Variants in TAB2 observed in about 807,000 individuals in gnomAD.
TAB2 encodes TGF-beta-activated kinase 1 and MAP3K7-binding protein 2.
TAB2 carries 3 observed loss-of-function variants against 65.0 expected under a neutral mutation model. The ratio of observed to expected loss-of-function variants is 0.05; its 90% CI spans 0.02 to 0.12. The LOEUF (loss-of-function observed/expected upper bound fraction) is 0.12, where lower values mean the gene tolerates loss of function less well. TAB2 is among the 10% of genes least tolerant of loss of function. The pLI is 1.00. For synonymous variants in TAB2, 298 were observed against 285.1 expected (o/e 1.05, Z -0.46); for missense variants, 623 against 840.3 (o/e 0.74, Z 3.20).
intron 1 of TAB2, chr6:149,342,858 T>G (rs1191588209): frequency 6.6e-6 from 1 of 152,182 alleles, no homozygotes. Context: ...ATGGCACCAG[T>G]CAAGCTTAGC....
chr6:149,244,544 GA>G (rs946960904), intron 1 of TAB2: 1 of 152,280 alleles, frequency 6.6e-6, no homozygotes, highest in African/African-American at 2.4e-5. Context: ...GTAATAATAA[GA>G]GCAAGCATAC....
At chr6:149,352,810 A>G (rs1212607159) in intron 1 of TAB2, among the ~76,000 whole-genome samples, 2 of 152,174 alleles carry the variant, frequency 1.3e-5, no homozygotes, top group African/African-American at 4.8e-5. Context: ...AGGGACTTTG[A>G]TTCAGTAGGT....
intron 1 of TAB2, among the ~76,000 whole-genome samples, chr6:149,307,403 G>A (rs1267332584): frequency 6.6e-6 from 1 of 152,154 alleles, no homozygotes; most frequent in Non-Finnish European, 1.5e-5. Flanking sequence ...AACAAACCAA[G>A]GAAGACGTGA....
intron 1 of TAB2, among the ~76,000 whole-genome samples, chr6:149,282,781 T>C (rs188194267): frequency 5.2e-4 from 79 of 152,288 alleles, no homozygotes; most frequent in African/African-American, 1.8e-3. Context: ...AAAGCTATGA[T>C]TGAGTCACAT....
chr6:149,347,648 A>G (rs1780347935), intron 1 of TAB2, among the ~76,000 whole-genome samples: 1 of 152,116 alleles, frequency 6.6e-6, no homozygotes, highest in Admixed American at 6.5e-5. Flanking sequence ...TCTTAAATGG[A>G]GTTTAAGTAA....
At chr6:149,381,090 C>T (rs12660731) in intron 3 of TAB2, among the ~76,000 whole-genome samples, 4,302 of 152,284 alleles carry the variant, frequency 0.028, 96 homozygotes, top group East Asian at 0.069. Context: ...ATCGAGATCC[C>T]TATCTCAAAA....
chr6:149,379,180 T>C lies in TAB2; in HGVS notation c.1265T>C (p.Met422Thr), dbSNP rs1291874840. The C allele has an allele frequency of 2.5e-6, 4 of 1,614,234 alleles. No homozygotes were observed. The highest frequency in any genetic ancestry group is 3.3e-5 in the Admixed American group (2 of 60,032). Residue 422 changes from methionine (M) to threonine (T), a missense_variant, in exon 3 of 7, where the codon ATG becomes ACG. By Grantham distance (81) the Met-to-Thr change is moderately conservative (BLOSUM62 -1). Transcript: ENST00000637181. ...GGAGCATCTGCTGCCTCCAGGAACA[T>C]GTCTGGGCAAGTGAGCATGGGTCCT... ...NSGASAASRN[M>T]SGQVSMGPAF...
At chr6:149,285,561 G>C (rs1778662076) in intron 1 of TAB2, among the ~76,000 whole-genome samples, 1 of 152,226 alleles carries the variant, frequency 6.6e-6, no homozygotes, top group African/African-American at 2.4e-5. Context: ...GTGAAAGAGG[G>C]AGATGGTTCT....
At chr6:149,264,373 G>A (rs995923709) in intron 1 of TAB2, among the ~76,000 whole-genome samples, 2 of 152,216 alleles carry the variant, frequency 1.3e-5, no homozygotes, top group South Asian at 4.1e-4. Flanking sequence ...ACTAATACTT[G>A]GGACCAGTAG....
intron 1 of TAB2, among the ~76,000 whole-genome samples, chr6:149,240,449 A>G (rs1294078512): frequency 6.6e-6 from 1 of 152,186 alleles, no homozygotes; most frequent in Non-Finnish European, 1.5e-5. Context: ...ACCCTTCACA[A>G]TTCAACAGAC....
intron 3 of TAB2, 24 bp from the exon 4 acceptor site, chr6:149,397,580 C>T (rs1448703051): frequency 1.2e-6 from 2 of 1,613,652 alleles, no homozygotes; most frequent in East Asian, 2.2e-5. Flanking sequence ...GGTGGGTCCT[C>T]ATGTTTACTA....
chr6:149,408,953 C>T (rs1426274413), intron 6 of TAB2, among the ~76,000 whole-genome samples: 2 of 152,186 alleles, frequency 1.3e-5, no homozygotes, highest in African/African-American at 4.8e-5. Flanking sequence ...ACTCCATTCT[C>T]ACAACTCTCA....
intron 1 of TAB2, among the ~76,000 whole-genome samples, chr6:149,273,845 A>G (rs1778406559): frequency 6.6e-6 from 1 of 152,224 alleles, no homozygotes; most frequent in South Asian, 2.1e-4. Flanking sequence ...CTGTAATGGG[A>G]CACAGAGAAA....
At chr6:149,383,785 G>C (rs1232395817) in intron 3 of TAB2, among the ~76,000 whole-genome samples, 1 of 152,114 alleles carries the variant, frequency 6.6e-6, no homozygotes, top group East Asian at 1.9e-4. Context: ...GTTTCACCTT[G>C]TTGGCCAGGC....
At chr6:149,224,191 G>A (rs1035068615) in intron 1 of TAB2, among the ~76,000 whole-genome samples, 1 of 152,124 alleles carries the variant, frequency 6.6e-6, no homozygotes, top group African/African-American at 2.4e-5. Context: ...CCCATGAGTC[G>A]GGAAGGGTGA....
chr6:149,330,571 T>A (rs1779752821), intron 1 of TAB2, among the ~76,000 whole-genome samples: 1 of 152,258 alleles, frequency 6.6e-6, no homozygotes, highest in Non-Finnish European at 1.5e-5. Flanking sequence ...CTTTGCTGTC[T>A]ACATATCCTT....
chr6:149,226,600 C>T (rs1777283599), intron 1 of TAB2, among the ~76,000 whole-genome samples: 1 of 152,212 alleles, frequency 6.6e-6, no homozygotes, highest in African/African-American at 2.4e-5. Context: ...GGGAACAAGT[C>T]AGAAAGCAGA....
intron 1 of TAB2, among the ~76,000 whole-genome samples, chr6:149,249,931 A>G (rs1198905862): frequency 6.6e-6 from 1 of 152,234 alleles, no homozygotes; most frequent in South Asian, 2.1e-4. Flanking sequence ...AGCAGAAAGC[A>G]ATCATTTCTG....
intron 1 of TAB2, among the ~76,000 whole-genome samples, chr6:149,241,358 C>G (rs1319979968): frequency 2.6e-5 from 4 of 152,034 alleles, no homozygotes. Flanking sequence ...TGGCTTTTTG[C>G]CTATACTCTT....
Sources: gnomAD v4.1 joint callset for allele counts (sites outside exome capture counted in the v4.1 genomes callset) on GRCh38, gnomAD v4.1.1 for gene constraint, MANE v1.5 for transcripts, NCBI Gene and HGNC (gene_info 2026-07-23, HGNC 2026-07-21) for gene names.